The following FANCI variants were observed in gnomAD, a reference collection of about 807,000 sequenced individuals.
FANCI encodes the protein FA complementation group I.
In FANCI, 156 loss-of-function variants were observed where a neutral mutation model predicts 176.1. The ratio of observed to expected loss-of-function variants is 0.89; its 90% CI spans 0.78 to 1.01. The LOEUF is 1.01. FANCI is among the 50% of genes least tolerant of loss of function. The pLI is 0.00. For synonymous variants in FANCI, 613 were observed against 541.7 expected, an observed-to-expected ratio of 1.13 and a Z score of -1.83; for missense variants, 1,678 against 1,534.1, an observed-to-expected ratio of 1.09 and a Z score of -1.57.
Position 89,300,330 on chromosome 15 carries a change from A to T in FANCI, c.2834A>T (p.Glu945Val), listed in dbSNP as rs2054481616. The change falls in exon 26 of 38, where the codon GAA (glutamate) becomes GTA (valine). Residue 945 changes from glutamate to valine, a missense_variant. Coordinates refer to ENST00000310775, the MANE Select transcript of FANCI (RefSeq NM_001113378.2). Reference sequence around the variant, plus strand: ...ACAGATAAGGAAGGAGAAGAGAGAGAAGATGCAGATGTCAGTGTCACTCAG... The same window carrying T: ...ACAGATAAGGAAGGAGAAGAGAGAGTAGATGCAGATGTCAGTGTCACTCAG... The part of the protein sequence containing the change: ...DVTDKEGEER[E>V]DADVSVTQRT... The T allele has an allele frequency of 1.2e-6, 2 of 1,614,010 alleles. No individual in the cohort carries two copies. The highest frequency in any genetic ancestry group is 1.7e-6 in the Non-Finnish European group (2 of 1,179,906).
At chr15:89,256,535 C>T (rs1596230695) in intron 2 of FANCI, among the ~76,000 whole-genome samples, 1 of 152,302 alleles carries the variant, frequency 6.6e-6, no homozygotes, top group Non-Finnish European at 1.5e-5. Flanking sequence ...AGATTATCCT[C>T]CAATGTTATT....
chr15:89,270,231 C>T (rs1288551916), intron 10 of FANCI, among the ~76,000 whole-genome samples: 1 of 152,186 alleles, frequency 6.6e-6, no homozygotes, highest in African/African-American at 2.4e-5. Flanking sequence ...AGTTTGCCAA[C>T]CACTGTTCTG....
intron 32 of FANCI, 21 bp downstream of exon 32, chr15:89,306,215 G>T: frequency 6.2e-7 from 1 of 1,613,130 alleles, no homozygotes; most frequent in Non-Finnish European, 8.5e-7. Flanking sequence ...GAGACAAGCA[G>T]ATTCGCCCCA....
chr15:89,299,795 T>G lies in FANCI; in HGVS notation c.2637-5T>G. 2 of 1,613,194 alleles carry G rather than the reference T, an allele frequency of 1.2e-6. No homozygotes were observed. The highest frequency in any genetic ancestry group is 1.7e-6 in the Non-Finnish European group (2 of 1,179,634). On this transcript the variant is annotated splice_region_variant and splice_polypyrimidine_tract_variant and intron_variant, in intron 24 of 37. Transcript: ENST00000310775. Reference sequence around the variant, plus strand: ...TAAAAACAATACCACTTTCTCCTGCTTCAGAGTCTTGCTATGGAGATACAC... The same window carrying G: ...TAAAAACAATACCACTTTCTCCTGCGTCAGAGTCTTGCTATGGAGATACAC...
chr15:89,282,826 C>T (rs956458614), intron 16 of FANCI: 2 of 370,874 alleles, frequency 5.4e-6, no homozygotes, highest in Non-Finnish European at 1.0e-5. Context: ...CAATTTCTTA[C>T]ATTTGAGTAA....
chr15:89,264,769 A>T (rs1046353416), intron 9 of FANCI, 162 bp downstream of exon 9: 1 of 591,806 alleles, frequency 1.7e-6, no homozygotes, highest in Non-Finnish European at 3.1e-6. Context: ...GAATAACATG[A>T]TCTCTTCAGC....
At chr15:89,263,842 G>A (rs1265373925) in intron 7 of FANCI, 61 bp from the exon 8 acceptor site, 2 of 1,605,212 alleles carry the variant, frequency 1.2e-6, no homozygotes, top group Non-Finnish European at 1.7e-6. Context: ...GCCCTGAATT[G>A]AATTTCTGAA....
At chr15:89,264,080 C>T (rs773515359) in intron 8 of FANCI, 54 bp downstream of exon 8, 32 of 1,603,186 alleles carry the variant, frequency 2.0e-5, no homozygotes, top group Non-Finnish European at 2.6e-5. Flanking sequence ...CAGTTATGAC[C>T]ATTCAACTTA....
chr15:89,249,795 T>C (rs1047948263), intron 2 of FANCI, among the ~76,000 whole-genome samples: 12 of 152,272 alleles, frequency 7.9e-5, no homozygotes, highest in African/African-American at 2.9e-4. Flanking sequence ...AAGAGAAAAT[T>C]AGTAAAGTGG....
At chr15:89,265,037 A>T (rs906652842) in intron 9 of FANCI, among the ~76,000 whole-genome samples, 8 of 152,190 alleles carry the variant, frequency 5.3e-5, no homozygotes, top group African/African-American at 1.9e-4. Flanking sequence ...CAGTATAGCT[A>T]CTTTAGATTG....
At chr15:89,284,464 TATC>T (rs2053740850) in intron 17 of FANCI, among the ~76,000 whole-genome samples, 1 of 152,240 alleles carries the variant, frequency 6.6e-6, no homozygotes, top group Non-Finnish European at 1.5e-5. Flanking sequence ...TGTGTGTTAT[TATC>T]CCCATTTTAA....
At chr15:89,264,108 T>C (rs191182726) in intron 8 of FANCI, 82 bp downstream of exon 8, 14 of 1,496,902 alleles carry the variant, frequency 9.4e-6, no homozygotes, top group Admixed American at 3.3e-5. Flanking sequence ...CCTTGGTTTA[T>C]ATAGCAGAGC....
At chr15:89,309,300 T>C (rs937531855) in intron 34 of FANCI, among the ~76,000 whole-genome samples, 2 of 152,150 alleles carry the variant, frequency 1.3e-5, no homozygotes, top group African/African-American at 4.8e-5. Context: ...GGGTTTTGAG[T>C]TTCCTCATCT....
intron 20 of FANCI, among the ~76,000 whole-genome samples, chr15:89,292,302 A>G (rs1421890054): frequency 1.3e-5 from 2 of 152,264 alleles, no homozygotes; most frequent in Non-Finnish European, 2.9e-5. Flanking sequence ...TCCTCAGCCT[A>G]GATCTAAGAT....
At position 89,261,432 on chromosome 15, in the gene FANCI, C is replaced by G. The variant is rs997215690; in HGVS notation, c.289-153C>G. The stretch of plus-strand genomic sequence containing the variant: ...AGCCCTTCACAATTATAACTACGTA[C>G]CAGACAGAGCAGAATGATTCCATAA... On this transcript the variant is annotated intron_variant, in intron 4 of 37. Coordinates refer to ENST00000310775, the MANE Select transcript of FANCI (RefSeq NM_001113378.2). Among the ~76,000 whole-genome samples, 24 of 152,146 alleles carry G rather than the reference C, an allele frequency of 1.6e-4. 1 individual carries two copies. Among genetic ancestry groups the G allele is most frequent in the Non-Finnish European group, 2.9e-5 (2 of 68,028 alleles).
At chr15:89,248,502 T>A (rs2052089775) in intron 2 of FANCI, among the ~76,000 whole-genome samples, 1 of 151,504 alleles carries the variant, frequency 6.6e-6, no homozygotes. Flanking sequence ...TAACTAGGAA[T>A]TGATGCAGTG....
At chr15:89,301,938 T>G (rs916298512) in intron 27 of FANCI, among the ~76,000 whole-genome samples, 2 of 152,202 alleles carry the variant, frequency 1.3e-5, no homozygotes, top group Non-Finnish European at 2.9e-5. Context: ...CAGAAACACC[T>G]CTGCAGAGAT....
At chr15:89,285,442 ACT>A (rs1362130506) in intron 18 of FANCI, among the ~76,000 whole-genome samples, 3 of 152,170 alleles carry the variant, frequency 2.0e-5, no homozygotes, top group East Asian at 3.9e-4. Context: ...ATCAAGCAAG[ACT>A]CTGTCTTTAC....
intron 17 of FANCI, 76 bp from the exon 18 acceptor site, chr15:89,285,020 G>A: frequency 6.2e-7 from 1 of 1,603,584 alleles, no homozygotes; most frequent in Non-Finnish European, 8.5e-7. Context: ...TTTCGACCAA[G>A]AACATAGGCT....
Sources: gnomAD v4.1 joint callset for allele counts (sites outside exome capture counted in the v4.1 genomes callset) on GRCh38, gnomAD v4.1.1 for gene constraint, MANE v1.5 for transcripts, NCBI Gene and HGNC (gene_info 2026-07-23, HGNC 2026-07-21) for gene names.